FNDC1: variants seen among roughly 807,000 people sequenced by gnomAD.
The protein encoded by FNDC1 is fibronectin type III domain containing 1, also known as fibronectin type III domain-containing protein 1.
FNDC1 carries 96 observed loss-of-function variants against 168.0 expected under a neutral mutation model. The observed-to-expected ratio is 0.57, with a 90% CI of 0.48 to 0.68. FNDC1 has a LOEUF of 0.68. Ranked by LOEUF, FNDC1 falls within the 30% of genes least tolerant of loss-of-function variation. The pLI is 0.00. For synonymous variants in FNDC1, 1,099 were observed against 1,025.9 expected, an observed-to-expected ratio of 1.07 and a Z score of -1.36; for missense variants, 2,587 against 2,482.1, an observed-to-expected ratio of 1.04 and a Z score of -0.90.
rs757778883 is a variant in FNDC1, at chr6:159,214,988, C to T, written c.504C>T (p.Ser168=). Reference sequence around the variant, plus strand: ...AGCCCTTGCGTGTGCGTGTCCGGTCCTCAGATGACAGGCTGTCCGTTGCGT... The same window carrying T: ...AGCCCTTGCGTGTGCGTGTCCGGTCTTCAGATGACAGGCTGTCCGTTGCGT... ...PNKPLRVRVR[S]SDDRLSVAWK... is the part of the protein sequence containing the mutation. Residue 168 remains serine, a synonymous_variant, in exon 5 of 23, where the codon TCC becomes TCT. Coordinates refer to ENST00000297267, the MANE Select transcript of FNDC1 (RefSeq NM_032532.3). 6.2e-7 allele frequency: 1 copy of T among 1,614,002 alleles called. No individual in the cohort carries two copies. Among genetic ancestry groups the T allele is most frequent in the Non-Finnish European group, 8.5e-7 (1 of 1,179,898 alleles).
At chr6:159,229,677 G>A (rs1783040751) in intron 9 of FNDC1, 138 bp from the exon 10 acceptor site, 4 of 671,628 alleles carry the variant, frequency 6.0e-6, no homozygotes, top group Non-Finnish European at 9.8e-6. Context: ...TCATGCTCCA[G>A]CTGGTGACTT....
chr6:159,238,636 A>G lies in FNDC1; in HGVS notation c.4151A>G (p.Lys1384Arg), dbSNP rs898126210. 2 of 1,608,366 alleles carry G rather than the reference A, an allele frequency of 1.2e-6. No individual in the cohort carries two copies. The highest frequency in any genetic ancestry group is 2.7e-5 in the African/African-American group (2 of 74,876). The part of the protein sequence containing the change: ...QDSHGNPLRI[K>R]LGGDGRTIVD... ...TCACATGGAAATCCTCTTCGGATTA[A>G]ACTAGGAGGAGATGGTCGAACCATT... Residue 1384 changes from lysine to arginine, a missense_variant, in exon 13 of 23, where the codon AAA becomes AGA. Transcript: ENST00000297267.
intron 7 of FNDC1, among the ~76,000 whole-genome samples, chr6:159,224,623 A>G (rs1437417209): frequency 1.3e-5 from 2 of 152,210 alleles, no homozygotes; most frequent in Non-Finnish European, 2.9e-5. Context: ...CTTCTTCAAC[A>G]TGAAGTGTTC....
intron 22 of FNDC1, among the ~76,000 whole-genome samples, chr6:159,270,832 C>T (rs1358305666): frequency 6.6e-6 from 1 of 152,226 alleles, no homozygotes; most frequent in Non-Finnish European, 1.5e-5. Context: ...GGCTCAATGT[C>T]ATCCATCCAG....
intron 3 of FNDC1, 98 bp downstream of exon 3, chr6:159,200,180 T>A: frequency 1.0e-6 from 1 of 983,152 alleles, no homozygotes; most frequent in Non-Finnish European, 1.5e-6. Context: ...TTAGAGTTAT[T>A]AAATAATTTT....
At position 159,232,654 on chromosome 6, in the gene FNDC1, C is replaced by A. The variant is rs764924046; in HGVS notation, c.2142C>A (p.Ala714=). 4.3e-6 allele frequency: 7 copies of A among 1,613,324 alleles called. No individual in the cohort carries two copies. Among genetic ancestry groups the A allele is most frequent in the Non-Finnish European group, 2.5e-6 (3 of 1,179,536 alleles). ...CAGAGGAAGATTCCAGTGCCTCAGC[C>A]CCACCCTCAAGACTTTCTCCACCCC... ...GAAEEDSSAS[A]PPSRLSPPHG... The change falls in exon 11 of 23, where the codon GCC becomes GCA. Residue 714 remains alanine (A), a synonymous_variant. Transcript: ENST00000297267. This position sits in a 1 kb window ranked among gnomAD's most constrained non-coding sequence, Gnocchi z 4.9.
intron 20 of FNDC1, 133 bp from the exon 21 acceptor site, chr6:159,265,950 AC>A (rs1777583727): frequency 5.6e-5 from 5 of 89,920 alleles, no homozygotes; most frequent in Admixed American, 2.7e-4. Flanking sequence ...AAACAACAAC[AC>A]AAACAAACAA....
chr6:159,177,213 A>C (rs1360383546), intron 1 of FNDC1, among the ~76,000 whole-genome samples: 2 of 152,164 alleles, frequency 1.3e-5, no homozygotes, highest in Non-Finnish European at 2.9e-5. Context: ...GAGGAAATAA[A>C]TGGACACAGT....
Position 159,234,056 on chromosome 6 carries a change from G to A in FNDC1, c.3544G>A (p.Glu1182Lys), listed in dbSNP as rs1783184788. 1 of 1,612,582 alleles carries A rather than the reference G, an allele frequency of 6.2e-7. No homozygotes were observed. The highest frequency in any genetic ancestry group is 1.3e-5 in the African/African-American group (1 of 74,932). Residue 1182 changes from glutamate to lysine, a missense_variant, in exon 11 of 23, where the codon GAG becomes AAG. Coordinates refer to ENST00000297267, the MANE Select transcript of FNDC1 (RefSeq NM_032532.3). Reference protein sequence around the residue: ...QQSVSAEDDEEEDAGFFKGGK... With the variant: ...QQSVSAEDDEKEDAGFFKGGK... ...GTCGGTCTCAGCCGAGGACGACGAG[G>A]AGGAGGACGCGGGATTTTTTAAAGG...
rs1783049656 is a variant in FNDC1 at position 159,230,074 on chromosome 6, A to T, written c.1369+71A>T. ...TGCTGTTTGTTTTGTGTTCCTTTGA[A>T]TCATGCTCTTGGGTTTGGAACTGCT... On this transcript the variant is annotated intron_variant, in intron 10 of 22. Coordinates refer to ENST00000297267, the MANE Select transcript of FNDC1 (RefSeq NM_032532.3). The T allele has an allele frequency of 4.2e-6, 6 of 1,440,212 alleles. No homozygotes were observed. In the South Asian group the frequency reaches 7.1e-5, roughly 17 times the overall value. The allele number at this position is 1,440,212 out of a possible 1,614,324, so 89.2% of individuals were successfully genotyped here.
At chr6:159,266,324 CAT>C in intron 21 of FNDC1, 79 bp downstream of exon 21, 4 of 1,463,302 alleles carry the variant, frequency 2.7e-6, no homozygotes, top group Non-Finnish European at 3.8e-6. Context: ...ACCACAGGTG[CAT>C]CGGAATGTTT....
chr6:159,189,003 C>T lies in FNDC1; in HGVS notation c.110-8428C>T, dbSNP rs181359239. Reference sequence around the variant, plus strand: ...CTGATCTCAGATGATCTGCCCACCTCAGCCTCCCCAAGTGCTGGGATTATA... The same window carrying T: ...CTGATCTCAGATGATCTGCCCACCTTAGCCTCCCCAAGTGCTGGGATTATA... On this transcript the variant is annotated intron_variant, in intron 1 of 22. Transcript: ENST00000297267. Among the ~76,000 whole-genome samples the T allele has an allele frequency of 7.2e-5, 11 of 152,268 alleles. No homozygotes were observed. In the East Asian group the frequency reaches 2.1e-3, roughly 29 times the overall value.
At position 159,266,145 on chromosome 6, in the gene FNDC1, T is replaced by C. The variant is rs772210088; in HGVS notation, c.5346T>C (p.His1782=). Reference sequence around the variant, plus strand: ...ATGATCCCAGCTACACGGACTGCCATGGACGGCAATATGTGAAGCGCACGT... The same window carrying C: ...ATGATCCCAGCTACACGGACTGCCACGGACGGCAATATGTGAAGCGCACGT... ...FKHDPSYTDC[H]GRQYVKRTWY... Residue 1782 remains histidine, a synonymous_variant, in exon 21 of 23, where the codon CAT becomes CAC. Transcript: ENST00000297267. The C allele has an allele frequency of 1.9e-6, 3 of 1,614,026 alleles. No homozygotes were observed. In the South Asian group the frequency reaches 3.3e-5, roughly 18 times the overall value.
At chr6:159,216,389 T>C (rs1313188146) in intron 5 of FNDC1, among the ~76,000 whole-genome samples, 1 of 152,206 alleles carries the variant, frequency 6.6e-6, no homozygotes, top group Non-Finnish European at 1.5e-5. Flanking sequence ...GATGGGAACC[T>C]TTGCTGTGAC....
chr6:159,208,287 A>G (rs1184101536), intron 4 of FNDC1, among the ~76,000 whole-genome samples: 1 of 152,186 alleles, frequency 6.6e-6, no homozygotes, highest in Non-Finnish European at 1.5e-5. Context: ...ATGGCTGAAG[A>G]GGGCAACTGG....
chr6:159,265,101 C>A (rs1777562960), intron 20 of FNDC1, 97 bp downstream of exon 20: 2 of 1,063,872 alleles, frequency 1.9e-6, no homozygotes, highest in Non-Finnish European at 2.8e-6. Flanking sequence ...AAGTCTGGAC[C>A]ATTTTCACAA....
intron 1 of FNDC1, among the ~76,000 whole-genome samples, chr6:159,170,507 G>A (rs1781631093): frequency 6.6e-6 from 1 of 152,194 alleles, no homozygotes; most frequent in African/African-American, 2.4e-5. Context: ...TCATTCCTAA[G>A]CCTTTGGCGG....
intron 1 of FNDC1, among the ~76,000 whole-genome samples, chr6:159,179,442 G>A (rs1176068206): frequency 1.3e-5 from 2 of 152,196 alleles, no homozygotes. Context: ...CTGGGTGACA[G>A]AGCAAGACTC....
chr6:159,236,352 A>G, intron 12 of FNDC1, 37 bp downstream of exon 12: 2 of 1,434,014 alleles, frequency 1.4e-6, no homozygotes. Context: ...CGTTGTTTTC[A>G]TGCTGTTGAG....
Sources: allele counts gnomAD v4.1 joint callset (sites outside exome capture counted in the v4.1 genomes callset), GRCh38; gene constraint gnomAD v4.1.1; non-coding constraint Gnocchi (gnomAD v3.1); transcripts MANE v1.5; gene names NCBI Gene and HGNC (gene_info 2026-07-23, HGNC 2026-07-21).